The following SNPH variants were observed in gnomAD, a reference collection of about 807,000 sequenced individuals.
SNPH encodes syntaphilin.
SNPH carries 10 observed loss-of-function variants against 36.8 expected under a neutral mutation model. The ratio of observed to expected loss-of-function variants is 0.27; its 90% CI spans 0.17 to 0.46. The LOEUF is 0.46. SNPH is among the 20% of genes least tolerant of loss of function. The pLI, the probability that SNPH is intolerant of heterozygous loss-of-function variation, is 1.00. For synonymous variants in SNPH, 281 were observed against 312.2 expected (o/e 0.90, Z 1.05); for missense variants, 622 against 744.0 (o/e 0.84, Z 1.91).
chr20:1,286,615 T>C (rs1189585815), intron 2 of SNPH, among the ~76,000 whole-genome samples: 1 of 152,172 alleles, frequency 6.6e-6, no homozygotes, highest in Non-Finnish European at 1.5e-5. Context: ...TGGCCCTGCT[T>C]CTATGGCTCC....
intron 2 of SNPH, among the ~76,000 whole-genome samples, chr20:1,284,579 A>T (rs1490429738): frequency 1.3e-5 from 2 of 152,226 alleles, no homozygotes; most frequent in Non-Finnish European, 2.9e-5. Context: ...TTTTAAACAC[A>T]GTGGTCAGAG....
chr20:1,297,167 G>A lies in SNPH; in HGVS notation c.205G>A (p.Val69Met), dbSNP rs771345502. The change falls in exon 5 of 7, where the codon GTG (valine) becomes ATG (methionine). Residue 69 changes from valine (V) to methionine (M), a missense_variant. Val to Met is a conservative substitution (Grantham distance 21). Transcript: ENST00000381867. ...CAGGCGCACCTCTCCACCTGTGAGC[G>A]TGCGGGATGCCTACGGCACCTCTTC... ...SRRRTSPPVS[V>M]RDAYGTSSLS... The A allele has an allele frequency of 6.1e-5, 99 of 1,613,446 alleles. No individual in the cohort carries two copies. The highest frequency in any genetic ancestry group is 5.1e-4 in the South Asian group (46 of 91,004).
intron 6 of SNPH, among the ~76,000 whole-genome samples, chr20:1,301,266 C>T (rs1177946577): frequency 5.3e-5 from 8 of 152,122 alleles, no homozygotes; most frequent in South Asian, 2.1e-4. Flanking sequence ...CAGGAGCCCC[C>T]GCAGGCCGTC....
Position 1,305,874 on chromosome 20 carries a change from G to A in SNPH, c.1437G>A (p.Pro479=), listed in dbSNP as rs138080909. The A allele has an allele frequency of 2.6e-5, 41 of 1,595,346 alleles. 1 individual carries two copies. Among genetic ancestry groups the A allele is most frequent in the African/African-American group, 2.0e-4 (15 of 74,580 alleles). ...YIVDLLAVVV[P]AVPTVAWLCR... ...TGGATCTGCTGGCTGTGGTGGTGCC[G>A]GCCGTGCCCACGGTGGCCTGGCTTT... is the stretch of plus-strand genomic sequence containing the variant. The change falls in exon 7 of 7, where the codon CCG becomes CCA. Residue 479 remains proline, a synonymous_variant. Transcript: ENST00000381867.
At position 1,297,187 on chromosome 20, in the gene SNPH, C is replaced by A; in HGVS notation, c.225C>A (p.Thr75=). The change falls in exon 5 of 7, where the codon ACC becomes ACA. Residue 75 remains threonine (T), a synonymous_variant. Coordinates refer to ENST00000381867, the MANE Select transcript of SNPH (RefSeq NM_001318234.2). ...PPVSVRDAYG[T]SSLSSSSNSG... ...TGAGCGTGCGGGATGCCTACGGCAC[C>A]TCTTCGCTCAGCAGCAGCAGCAATT... 6.2e-7 allele frequency: 1 copy of A among 1,613,918 alleles called. No individual in the cohort carries two copies. The highest frequency in any genetic ancestry group is 1.1e-5 in the South Asian group (1 of 91,068).
intron 2 of SNPH, among the ~76,000 whole-genome samples, chr20:1,275,355 C>T (rs1041274564): frequency 2.0e-5 from 3 of 152,184 alleles, no homozygotes; most frequent in African/African-American, 7.2e-5. Flanking sequence ...AACACTGCTT[C>T]CTCCTGTCTC....
intron 5 of SNPH, among the ~76,000 whole-genome samples, chr20:1,298,578 C>A (rs2122413688): frequency 6.6e-6 from 1 of 152,330 alleles, no homozygotes; most frequent in East Asian, 1.9e-4. Context: ...TTAATCTTTT[C>A]TATTAGTAAC....
In SNPH at chr20:1,305,302, T is replaced by C. The variant is rs776019533; in HGVS notation, c.865T>C (p.Phe289Leu). 1.2e-6 allele frequency: 2 copies of C among 1,610,480 alleles called. No homozygotes were observed. The highest frequency in any genetic ancestry group is 1.7e-6 in the Non-Finnish European group (2 of 1,179,616). Reference sequence around the variant, plus strand: ...TGCTGAGGATGGGGCAGACAGTGGCTTTGCAGCAGCCGATGACACACTGAG... The same window carrying C: ...TGCTGAGGATGGGGCAGACAGTGGCCTTGCAGCAGCCGATGACACACTGAG... Reference protein sequence around the residue: ...GSAEDGADSGFAAADDTLSRT... With the variant: ...GSAEDGADSGLAAADDTLSRT... The change falls in exon 7 of 7, where the codon TTT becomes CTT. Residue 289 changes from phenylalanine (F) to leucine (L), a missense_variant. Around this residue, in one of 3 missense-constraint regions of SNPH, gnomAD observed 379 missense variants for 427.9 expected, o/e 0.89. Transcript: ENST00000381867.
chr20:1,278,948 G>A (rs536722264), intron 2 of SNPH, among the ~76,000 whole-genome samples: 6 of 152,310 alleles, frequency 3.9e-5, no homozygotes, highest in Non-Finnish European at 4.4e-5. Flanking sequence ...ATCATCATTT[G>A]TTTATACATT....
chr20:1,306,180 T>C lies in SNPH; in HGVS notation c.*126T>C. ...TTTGGGTGTGGAACTGTTTCTTTTTTTCAAGATGTTAAAACAGTCCCGTGG... is the reference window on the plus strand; with the variant it reads ...TTTGGGTGTGGAACTGTTTCTTTTTCTCAAGATGTTAAAACAGTCCCGTGG... On this transcript the variant is annotated 3_prime_UTR_variant, in exon 7 of 7. Transcript: ENST00000381867. 3.5e-6 allele frequency: 3 copies of C among 853,420 alleles called. No homozygotes were observed. Among genetic ancestry groups the C allele is most frequent in the Non-Finnish European group, 5.0e-6 (3 of 605,080 alleles). The allele number at this position is 853,420 out of a possible 1,614,324, so 52.9% of individuals were successfully genotyped here. A position where few individuals can be genotyped will look rare whatever the true frequency, so the allele number is the denominator to read the frequency against.
At chr20:1,289,395 AG>A (rs775278954) in intron 2 of SNPH, among the ~76,000 whole-genome samples, 2 of 152,000 alleles carry the variant, frequency 1.3e-5, no homozygotes, top group Admixed American at 1.3e-4. Flanking sequence ...AGTCAGGTAG[AG>A]GGGGGGCACT....
At chr20:1,273,826 GCAT>G (rs1235898263) in intron 2 of SNPH, among the ~76,000 whole-genome samples, 1 of 152,162 alleles carries the variant, frequency 6.6e-6, no homozygotes. Flanking sequence ...GGCCCACTTA[GCAT>G]ATGTTATCCT....
In SNPH at chr20:1,305,953, C is replaced by T. The variant is rs754206359; in HGVS notation, c.1516C>T (p.Arg506Trp). The T allele has an allele frequency of 5.7e-6, 9 of 1,570,932 alleles. No individual in the cohort carries two copies. Among genetic ancestry groups the T allele is most frequent in the Middle Eastern group, 1.7e-4 (1 of 5,934 alleles). ...CATCTACAACATCAGCTCCCTGCTG[C>T]GGGGCTGCTGCACTGTGGCCTTGCA... Reference protein sequence around the residue: ...QPIYNISSLLRGCCTVALHSI... With the variant: ...QPIYNISSLLWGCCTVALHSI... Residue 506 changes from arginine (R) to tryptophan (W), a missense_variant, in exon 7 of 7, where the codon CGG (arginine) becomes TGG (tryptophan). Arg to Trp is a moderately radical substitution (Grantham distance 101). Around this residue, in one of 3 missense-constraint regions of SNPH, gnomAD observed 379 missense variants for 427.9 expected, o/e 0.89. Transcript: ENST00000381867.
At chr20:1,282,542 A>T (rs1437124113) in intron 2 of SNPH, among the ~76,000 whole-genome samples, 1 of 152,244 alleles carries the variant, frequency 6.6e-6, no homozygotes, top group Non-Finnish European at 1.5e-5. Context: ...GAGAAGGGGC[A>T]GCAATCAAAT....
chr20:1,266,477 G>A lies in SNPH; in HGVS notation c.-600+80G>A, dbSNP rs1239491535. 2 of 905,746 alleles carry A rather than the reference G, an allele frequency of 2.2e-6. No homozygotes were observed. Among genetic ancestry groups the A allele is most frequent in the Non-Finnish European group, 3.1e-6 (2 of 653,804 alleles). The allele number at this position is 905,746 out of a possible 1,614,324, so 56.1% of individuals were successfully genotyped here. ...CAGTCCAGAGTGCCGAGTGCCAGGG[G>A]GTGGGGTGGGGGCCGCGGGCCGCGA... On this transcript the variant is annotated intron_variant, in intron 1 of 6. Coordinates refer to ENST00000381867, the MANE Select transcript of SNPH (RefSeq NM_001318234.2). This position sits in a 1 kb window ranked among gnomAD's most constrained non-coding sequence, Gnocchi z 6.0.
In SNPH at chr20:1,305,454, G is replaced by A. The variant is rs2088561210; in HGVS notation, c.1017G>A (p.Lys339=). 1.2e-6 allele frequency: 2 copies of A among 1,613,282 alleles called. No homozygotes were observed. Among genetic ancestry groups the A allele is most frequent in the Non-Finnish European group, 1.7e-6 (2 of 1,180,050 alleles). ...PRFPASNTYE[K]LLCGMEAGVQ... is the part of the protein sequence containing the mutation. ...TCCCTGCCAGCAACACCTATGAGAA[G>A]CTGCTGTGTGGCATGGAGGCTGGTG... The change falls in exon 7 of 7, where the codon AAG becomes AAA. Residue 339 remains lysine (K), a synonymous_variant. Coordinates refer to ENST00000381867, the MANE Select transcript of SNPH (RefSeq NM_001318234.2).
At chr20:1,299,395 A>G (rs974338420) in intron 5 of SNPH, among the ~76,000 whole-genome samples, 4 of 152,222 alleles carry the variant, frequency 2.6e-5, no homozygotes, top group Non-Finnish European at 5.9e-5. Context: ...ATACATGCCC[A>G]GGTTTTAAGC....
At chr20:1,300,836 C>T (rs768424578) in intron 6 of SNPH, 125 bp downstream of exon 6, 2 of 974,392 alleles carry the variant, frequency 2.1e-6, no homozygotes, top group Non-Finnish European at 3.0e-6. Context: ...CGTCTGCTCT[C>T]TCCTTCCCAG....
Position 1,305,718 on chromosome 20 carries a change from C to T in SNPH, c.1281C>T (p.Pro427=). The change falls in exon 7 of 7, where the codon CCC becomes CCT. Residue 427 remains proline, a synonymous_variant. Coordinates refer to ENST00000381867, the MANE Select transcript of SNPH (RefSeq NM_001318234.2). ...CCCCAGAGCCCATCACCCGTGGACC[C>T]ACCCCACAGCGGCCTGGTGCCAACC... is the stretch of plus-strand genomic sequence containing the variant. ...LEAPEPITRG[P]TPQRPGANPN... 6.2e-7 allele frequency: 1 copy of T among 1,609,570 alleles called. No individual in the cohort carries two copies. Among genetic ancestry groups the T allele is most frequent in the Non-Finnish European group, 8.5e-7 (1 of 1,177,902 alleles).
Sources: allele counts gnomAD v4.1 joint callset (sites outside exome capture counted in the v4.1 genomes callset), GRCh38; gene constraint gnomAD v4.1.1; regional missense constraint gnomAD v4.1.1; non-coding constraint Gnocchi (gnomAD v3.1); transcripts MANE v1.5; gene names NCBI Gene and HGNC (gene_info 2026-07-23, HGNC 2026-07-21).